The following PPP1CB variants were observed in gnomAD, a reference collection of about 807,000 sequenced individuals.
PPP1CB encodes protein phosphatase 1 catalytic subunit beta.
In PPP1CB, 2 loss-of-function variants were observed where a neutral mutation model predicts 43.7. The observed-to-expected ratio is 0.05, with a 90% CI of 0.02 to 0.14. The LOEUF is 0.14. PPP1CB is among the 10% of genes least tolerant of loss of function. PPP1CB has a pLI of 1.00. For synonymous variants in PPP1CB, 136 were observed against 135.6 expected (o/e 1.00, Z -0.02); for missense variants, 84 against 398.0 (o/e 0.21, Z 6.71).
chr2:28,777,600 A>G (rs1457505149), intron 2 of PPP1CB, among the ~76,000 whole-genome samples: 3 of 152,168 alleles, frequency 2.0e-5, no homozygotes, highest in Admixed American at 2.0e-4. Context: ...TCCTTTGTAC[A>G]GTGCCCAGCA....
intron 1 of PPP1CB, among the ~76,000 whole-genome samples, chr2:28,760,970 G>A (rs745520679): frequency 6.6e-6 from 1 of 151,994 alleles, no homozygotes; most frequent in Non-Finnish European, 1.5e-5. Flanking sequence ...GTGCAGTCTC[G>A]GCTCACTGCA....
chr2:28,752,062 G>A lies in PPP1CB; in HGVS notation c.-63G>A. 2.7e-6 allele frequency: 4 copies of A among 1,495,986 alleles called. No homozygotes were observed. The highest frequency in any genetic ancestry group is 2.7e-6 in the Non-Finnish European group (3 of 1,097,426). 92.7% of individuals were successfully genotyped at this position (1,495,986 alleles called of 1,614,324 possible). A position where few individuals can be genotyped will look rare whatever the true frequency, so the allele number is the denominator to read the frequency against. ...GGTGAGAGAACGCCGAGCCGTCGCC[G>A]CAGCCTCCGCCGCCGAGAAGCCCTT... On this transcript the variant is annotated 5_prime_UTR_variant, in exon 1 of 8. Coordinates refer to ENST00000395366, the MANE Select transcript of PPP1CB (RefSeq NM_002709.3).
chr2:28,769,494 A>G (rs899247635), intron 1 of PPP1CB, among the ~76,000 whole-genome samples: 2 of 152,212 alleles, frequency 1.3e-5, no homozygotes, highest in Non-Finnish European at 2.9e-5. Context: ...AGTAAAGTAA[A>G]ATGAAGACAA....
At position 28,787,201 on chromosome 2, in the gene PPP1CB, T is replaced by G. The variant is rs542410103; in HGVS notation, c.593-1457T>G. 8.5e-5 allele frequency among the ~76,000 whole-genome samples: 13 copies of G among 152,296 alleles called. No individual in the cohort carries two copies. In the East Asian group the frequency reaches 2.5e-3, roughly 29 times the overall value. On this transcript the variant is annotated intron_variant, in intron 5 of 7. Transcript: ENST00000395366. Reference sequence around the variant, plus strand: ...TTGGCTGGGCGCGGTGGCTCACACTTGTAATCCCAGCACTCTGGGAGGCCG... The same window carrying G: ...TTGGCTGGGCGCGGTGGCTCACACTGGTAATCCCAGCACTCTGGGAGGCCG...
intron 4 of PPP1CB, 42 bp downstream of exon 4, chr2:28,781,884 A>C: frequency 7.4e-7 from 1 of 1,355,370 alleles, no homozygotes; most frequent in Non-Finnish European, 1.1e-6. Flanking sequence ...TTTTTCTTCT[A>C]TTATTCGGAA....
intron 5 of PPP1CB, among the ~76,000 whole-genome samples, chr2:28,785,224 G>A (rs1024138202): frequency 4.0e-5 from 6 of 151,100 alleles, no homozygotes; most frequent in Admixed American, 2.6e-4. Flanking sequence ...ACAGGCGCCC[G>A]CCACCACACC....
At chr2:28,787,959 G>A (rs1390175518) in intron 5 of PPP1CB, among the ~76,000 whole-genome samples, 2 of 151,882 alleles carry the variant, frequency 1.3e-5, no homozygotes, top group Non-Finnish European at 2.9e-5. Context: ...CAAAGTCAAG[G>A]ATCTGATCTG....
intron 6 of PPP1CB, among the ~76,000 whole-genome samples, chr2:28,791,605 G>A (rs1473668979): frequency 6.6e-6 from 1 of 152,134 alleles, no homozygotes; most frequent in East Asian, 1.9e-4. Context: ...TGGGATTATA[G>A]GCACGAGCCA....
chr2:28,777,575 G>A (rs535338074), intron 2 of PPP1CB, among the ~76,000 whole-genome samples: 2 of 152,276 alleles, frequency 1.3e-5, no homozygotes, highest in East Asian at 3.9e-4. Context: ...AAGTTTTACA[G>A]TGACTTTTTT....
At chr2:28,776,059 G>GTT (rs1367576725) in intron 1 of PPP1CB, among the ~76,000 whole-genome samples, 1 of 151,818 alleles carries the variant, frequency 6.6e-6, no homozygotes, top group Non-Finnish European at 1.5e-5. Flanking sequence ...GGGACTGCTG[G>GTT]TAACATTCCA....
intron 1 of PPP1CB, among the ~76,000 whole-genome samples, chr2:28,758,788 C>G (rs1666549673): frequency 6.6e-6 from 1 of 152,302 alleles, no homozygotes; most frequent in Admixed American, 6.5e-5. Flanking sequence ...CCTCCCTTGC[C>G]AAATTTACCT....
chr2:28,774,517 C>T (rs1051385202), intron 1 of PPP1CB, among the ~76,000 whole-genome samples: 8 of 152,054 alleles, frequency 5.3e-5, no homozygotes, highest in Non-Finnish European at 1.2e-4. Context: ...CCTCCACCTC[C>T]TGGGTTCAAG....
chr2:28,794,880 G>T (rs1667466576), intron 7 of PPP1CB, among the ~76,000 whole-genome samples: 1 of 151,878 alleles, frequency 6.6e-6, no homozygotes, highest in African/African-American at 2.4e-5. Flanking sequence ...AGGTTCAGGG[G>T]TTACATGTGC....
chr2:28,758,341 C>A (rs1666537587), intron 1 of PPP1CB, among the ~76,000 whole-genome samples: 4 of 152,168 alleles, frequency 2.6e-5, no homozygotes, highest in African/African-American at 9.7e-5. Context: ...TGTTAAGATT[C>A]TTAGAAATAC....
At chr2:28,797,746 T>A (rs1280274430) in intron 7 of PPP1CB, among the ~76,000 whole-genome samples, 2 of 152,198 alleles carry the variant, frequency 1.3e-5, no homozygotes, top group Non-Finnish European at 2.9e-5. Context: ...GCAGTCTATC[T>A]TGTTTATTCT....
intron 4 of PPP1CB, among the ~76,000 whole-genome samples, chr2:28,783,590 T>C (rs1181175444): frequency 6.6e-6 from 1 of 152,072 alleles, no homozygotes; most frequent in Non-Finnish European, 1.5e-5. Flanking sequence ...ACCCCGTCTC[T>C]ACTAAAAATA....
chr2:28,786,168 C>T (rs1223839119), intron 5 of PPP1CB, among the ~76,000 whole-genome samples: 1 of 152,114 alleles, frequency 6.6e-6, no homozygotes, highest in African/African-American at 2.4e-5. Context: ...GGCTGGAGTG[C>T]AATGGCCTGA....
intron 1 of PPP1CB, among the ~76,000 whole-genome samples, chr2:28,773,146 A>T (rs1237252223): frequency 6.6e-6 from 1 of 152,158 alleles, no homozygotes. Context: ...GATAGTTTAA[A>T]ATTCGTTGAG....
At chr2:28,758,554 TTAAA>T (rs1421565717) in intron 1 of PPP1CB, among the ~76,000 whole-genome samples, 8 of 152,218 alleles carry the variant, frequency 5.3e-5, no homozygotes, top group Non-Finnish European at 8.8e-5. Flanking sequence ...TCTAGCAGCT[TTAAA>T]TAGCCATTTC....
Sources: allele counts gnomAD v4.1 joint callset (sites outside exome capture counted in the v4.1 genomes callset), GRCh38; gene constraint gnomAD v4.1.1; transcripts MANE v1.5; gene names NCBI Gene and HGNC (gene_info 2026-07-23, HGNC 2026-07-21).